ALK: variants seen among roughly 807,000 people sequenced by gnomAD.
ALK encodes the protein ALK receptor tyrosine kinase.
ALK carries 74 observed loss-of-function variants against 163.1 expected under a neutral mutation model. The ratio of observed to expected loss-of-function variants is 0.45; its 90% CI spans 0.38 to 0.55. The LOEUF (loss-of-function observed/expected upper bound fraction) is 0.55, where lower values mean the gene tolerates loss of function less well. Ranked by LOEUF, ALK falls within the 20% of genes least tolerant of loss-of-function variation. The pLI is 0.00. For missense variants in ALK, 2,063 were observed against 2,105.3 expected (o/e 0.98, Z 0.39); for synonymous variants, 960 against 843.2 (o/e 1.14, Z -2.40).
chr2:29,209,609 T>C (rs140353651), intron 25 of ALK, among the ~76,000 whole-genome samples, 177 bp downstream of exon 25: 70 of 151,570 alleles, frequency 4.6e-4, no homozygotes, highest in African/African-American at 1.6e-3. Flanking sequence ...GATTTAGGCC[T>C]TCGGGCATGG....
At chr2:29,211,473 T>C (rs12997875) in intron 24 of ALK, among the ~76,000 whole-genome samples, 55,653 of 152,028 alleles carry the variant, frequency 0.37, 11,758 homozygotes, top group Non-Finnish European at 0.47. Flanking sequence ...ATAGAATACA[T>C]CAAGAGTTGG....
chr2:29,784,814 T>C (rs1464069653), intron 1 of ALK, among the ~76,000 whole-genome samples: 3 of 152,206 alleles, frequency 2.0e-5, no homozygotes, highest in Non-Finnish European at 4.4e-5. Flanking sequence ...CTTTGCACTA[T>C]GTTATTACGT....
intron 1 of ALK, among the ~76,000 whole-genome samples, chr2:29,859,224 G>A (rs977155642): frequency 6.6e-6 from 1 of 152,166 alleles, no homozygotes; most frequent in African/African-American, 2.4e-5. Context: ...CCCTCTCTAG[G>A]TGACACTAGT....
At chr2:29,448,030 T>C (rs1056931597) in intron 4 of ALK, among the ~76,000 whole-genome samples, 1 of 152,208 alleles carries the variant, frequency 6.6e-6, no homozygotes, top group African/African-American at 2.4e-5. Flanking sequence ...TTTTGCATTA[T>C]TGTTTTCTTC....
At chr2:29,741,719 T>C (rs1680064706) in intron 1 of ALK, among the ~76,000 whole-genome samples, 1 of 152,072 alleles carries the variant, frequency 6.6e-6, no homozygotes, top group Admixed American at 6.6e-5. Context: ...TTTGTGATGG[T>C]TCTTCCAAGA....
At chr2:29,725,460 G>T (rs1305527224) in intron 1 of ALK, among the ~76,000 whole-genome samples, 7 of 152,170 alleles carry the variant, frequency 4.6e-5, no homozygotes, top group Non-Finnish European at 1.0e-4. Context: ...AAGCAGTTGA[G>T]CTGGGATTCG....
chr2:29,775,033 A>T (rs112403070), intron 1 of ALK, among the ~76,000 whole-genome samples: 3,587 of 152,320 alleles, frequency 0.024, 78 homozygotes, highest in Middle Eastern at 0.044. Flanking sequence ...ATAGGGCCTA[A>T]GGGGAGAAAA....
intron 8 of ALK, among the ~76,000 whole-genome samples, chr2:29,308,606 G>A (rs983618328): frequency 6.6e-6 from 1 of 152,190 alleles, no homozygotes; most frequent in Non-Finnish European, 1.5e-5. Flanking sequence ...TGAACGGAAC[G>A]CAAGCTTTCG....
At chr2:29,688,609 G>A (rs1016261866) in intron 3 of ALK, among the ~76,000 whole-genome samples, 1 of 152,174 alleles carries the variant, frequency 6.6e-6, no homozygotes, top group Non-Finnish European at 1.5e-5. Flanking sequence ...GCTGCAGCCT[G>A]TGAATACCTG....
chr2:29,842,583 G>C (rs1665728563), intron 1 of ALK, among the ~76,000 whole-genome samples: 3 of 152,240 alleles, frequency 2.0e-5, no homozygotes, highest in Non-Finnish European at 4.4e-5. Context: ...TTAAGGGGCA[G>C]TGAAGACTCT....
chr2:29,795,185 C>CG (rs1572385262), intron 1 of ALK, among the ~76,000 whole-genome samples: 1 of 152,132 alleles, frequency 6.6e-6, no homozygotes, highest in East Asian at 1.9e-4. Context: ...CAGACACACA[C>CG]ACACACACAC....
At chr2:29,796,034 G>T (rs1029682604) in intron 1 of ALK, among the ~76,000 whole-genome samples, 9 of 152,088 alleles carry the variant, frequency 5.9e-5, no homozygotes, top group African/African-American at 1.7e-4. Flanking sequence ...CCTTGAAGGA[G>T]AAATAAAAGA....
chr2:29,613,473 T>TA (rs1385198615), intron 3 of ALK, among the ~76,000 whole-genome samples: 1 of 152,210 alleles, frequency 6.6e-6, no homozygotes, highest in Non-Finnish European at 1.5e-5. Context: ...GCCCTTCCTT[T>TA]AAAAAATCAG....
intron 1 of ALK, among the ~76,000 whole-genome samples, chr2:29,729,094 G>A (rs1679661932): frequency 6.6e-6 from 1 of 152,168 alleles, no homozygotes; most frequent in Non-Finnish European, 1.5e-5. Flanking sequence ...GCAGGGAAGA[G>A]GCCTGGAACC....
chr2:29,242,459 T>C (rs72852046), intron 12 of ALK, among the ~76,000 whole-genome samples: 318 of 152,348 alleles, frequency 2.1e-3, no homozygotes, highest in African/African-American at 6.8e-3. Context: ...TATTATATTT[T>C]AGACGTTGTT....
At chr2:29,562,554 C>T (rs917065848) in intron 3 of ALK, among the ~76,000 whole-genome samples, 35 of 152,176 alleles carry the variant, frequency 2.3e-4, no homozygotes, top group African/African-American at 8.4e-4. Context: ...CTTGATAAGG[C>T]CATTACACTC....
chr2:29,497,756 C>T (rs1285332198), intron 4 of ALK, among the ~76,000 whole-genome samples: 1 of 152,080 alleles, frequency 6.6e-6, no homozygotes, highest in Non-Finnish European at 1.5e-5. Context: ...TTGTTTCGGT[C>T]ATGTAGGGTG....
At chr2:29,282,162 C>T (rs1665734032) in intron 9 of ALK, among the ~76,000 whole-genome samples, 1 of 152,138 alleles carries the variant, frequency 6.6e-6, no homozygotes, top group African/African-American at 2.4e-5. Flanking sequence ...GCTGCTGGTG[C>T]TTGTCTGGGC....
chr2:29,333,710 G>A (rs780835597), intron 5 of ALK, among the ~76,000 whole-genome samples: 3 of 152,154 alleles, frequency 2.0e-5, no homozygotes, highest in South Asian at 2.1e-4. Context: ...TGACCTTCCC[G>A]ACCTCGGGTG....
Sources: allele counts gnomAD v4.1 joint callset (sites outside exome capture counted in the v4.1 genomes callset), GRCh38; gene constraint gnomAD v4.1.1; transcripts MANE v1.5; gene names NCBI Gene and HGNC (gene_info 2026-07-23, HGNC 2026-07-21).